TMC3: variants seen among roughly 807,000 people sequenced by gnomAD.
TMC3 encodes the protein transmembrane channel-like protein 3.
A neutral mutation model predicts 110.6 loss-of-function variants in TMC3; 98 were observed. The observed-to-expected ratio is 0.89, with a 90% CI of 0.75 to 1.05. The LOEUF is 1.05. TMC3 is among the 50% of genes least tolerant of loss of function. The probability of loss-of-function intolerance (pLI) is 0.00; values close to 1 mark genes in which losing one functional copy is unlikely to be tolerated. For missense variants in TMC3, 1,319 were observed against 1,373.2 expected (o/e 0.96, Z 0.62); for synonymous variants, 489 against 513.1 (o/e 0.95, Z 0.63).
chr15:81,362,851 G>C (rs956656901), intron 3 of TMC3, among the ~76,000 whole-genome samples: 2 of 152,080 alleles, frequency 1.3e-5, no homozygotes, highest in African/African-American at 2.4e-5. Flanking sequence ...CCTGTTTAAG[G>C]ACCAAGAGTC....
At chr15:81,344,072 C>T in intron 13 of TMC3, 27 bp from the exon 14 acceptor site, 1 of 1,593,840 alleles carries the variant, frequency 6.3e-7, no homozygotes, top group Non-Finnish European at 8.5e-7. Flanking sequence ...CCCTGGATGC[C>T]ACCATGCCCC....
rs557634217 is a variant in TMC3, at chr15:81,345,715, C to CA, written c.1272+649dup. ...TGAAACCCCATCTCTATAAAAAATA[C>CA]AAAAAAAAATAGCCAGATGCAGCGG... On this transcript the variant is annotated intron_variant, in intron 12 of 21. Transcript: ENST00000359440. 1.1e-3 allele frequency among the ~76,000 whole-genome samples: 166 copies of CA among 150,238 alleles called. 1 individual carries two copies. Among genetic ancestry groups the CA allele is most frequent in the South Asian group, 2.1e-3 (10 of 4,736 alleles).
Position 81,339,482 on chromosome 15 carries a change from T to C in TMC3, c.1867A>G (p.Met623Val), listed in dbSNP as rs1893667647. 1 of 1,605,354 alleles carries C rather than the reference T, an allele frequency of 6.2e-7. No individual in the cohort carries two copies. Among genetic ancestry groups the C allele is most frequent in the Non-Finnish European group, 8.5e-7 (1 of 1,175,700 alleles). Residue 623 changes from methionine (M) to valine (V), a missense_variant, in exon 17 of 22, where the codon ATG becomes GTG. Coordinates refer to ENST00000359440, the MANE Select transcript of TMC3 (RefSeq NM_001080532.3). Reference sequence around the variant, plus strand: ...CACAGAAACAGCATAAACAGGAGCATTGCCAAGTAGAAGTTGTTGGATCTG... The same window carrying C: ...CACAGAAACAGCATAAACAGGAGCACTGCCAAGTAGAAGTTGTTGGATCTG... ...ASRSNNFYLA[M>V]LLFMLFLCML...
intron 6 of TMC3, 46 bp downstream of exon 6, chr15:81,358,356 T>C (rs1316358095): frequency 6.2e-7 from 1 of 1,601,022 alleles, no homozygotes; most frequent in African/African-American, 1.3e-5. Flanking sequence ...TGTGGCCCAT[T>C]CACCCCTTCC....
intron 9 of TMC3, among the ~76,000 whole-genome samples, chr15:81,352,529 A>G (rs1450268976): frequency 6.6e-6 from 1 of 152,248 alleles, no homozygotes; most frequent in African/African-American, 2.4e-5. Flanking sequence ...AATGAATTAA[A>G]TGACTGTTAC....
rs777926164 is a variant in TMC3 at position 81,338,658 on chromosome 15, AGCAGGAGTACT to A, written c.2067_2077del (p.Val690PhefsTer33). The A allele has an allele frequency of 1.1e-5, 17 of 1,613,870 alleles. No individual in the cohort carries two copies. In the African/African-American group the frequency reaches 2.1e-4, roughly 20 times the overall value. On this transcript the variant is annotated frameshift_variant, in exon 18 of 22. Coordinates refer to ENST00000359440, the MANE Select transcript of TMC3 (RefSeq NM_001080532.3). LOFTEE classifies it high-confidence loss of function. Reference sequence around the variant, plus strand: ...AGCTGGCAGGTGTGGTACTCACAAAAGCAGGAGTACTGCGGGCAGGATGACCACGGGGCTAC... The same window carrying A: ...AGCTGGCAGGTGTGGTACTCACAAAAGCGGGCAGGATGACCACGGGGCTAC...
chr15:81,343,847 C>T, intron 14 of TMC3, 70 bp downstream of exon 14: 1 of 1,558,214 alleles, frequency 6.4e-7, no homozygotes, highest in Admixed American at 1.7e-5. Context: ...GGACTGTTTC[C>T]CAGCCACAAC....
chr15:81,334,225 C>G (rs1166359584), intron 21 of TMC3, among the ~76,000 whole-genome samples: 3 of 152,184 alleles, frequency 2.0e-5, no homozygotes, highest in East Asian at 1.9e-4. Context: ...GTGCTACATT[C>G]AGATCAAATA....
At chr15:81,353,239 T>A (rs1893989879) in intron 9 of TMC3, among the ~76,000 whole-genome samples, 1 of 142,160 alleles carries the variant, frequency 7.0e-6, no homozygotes, top group Non-Finnish European at 1.5e-5. Context: ...GATTGTGTTT[T>A]AAGTATTACA....
At chr15:81,338,969 G>A (rs767385246) in intron 17 of TMC3, among the ~76,000 whole-genome samples, 189 bp from the exon 18 acceptor site, 5 of 152,132 alleles carry the variant, frequency 3.3e-5, no homozygotes, top group Non-Finnish European at 7.4e-5. Context: ...TGTTCTAATC[G>A]TGTACACTAA....
chr15:81,357,219 A>G (rs572700201), intron 7 of TMC3, among the ~76,000 whole-genome samples: 24 of 152,186 alleles, frequency 1.6e-4, no homozygotes, highest in Non-Finnish European at 2.5e-4. Context: ...CCTGGAAGCC[A>G]CCAGGAGCTA....
chr15:81,351,705 C>T lies in TMC3; in HGVS notation c.1072G>A (p.Glu358Lys). 1 of 1,554,668 alleles carries T rather than the reference C, an allele frequency of 6.4e-7. No individual in the cohort carries two copies. Among genetic ancestry groups the T allele is most frequent in the Non-Finnish European group, 8.7e-7 (1 of 1,148,688 alleles). Residue 358 changes from glutamate (E) to lysine (K), a missense_variant, in exon 10 of 22, where the codon GAA (glutamate) becomes AAA (lysine). Transcript: ENST00000359440. Reference sequence around the variant, plus strand: ...ATGGCAGTGGGTACCTCATTCTTTTCCCAAAGTGTCAGCTCCTTCTTCGAC... The same window carrying T: ...ATGGCAGTGGGTACCTCATTCTTTTTCCAAAGTGTCAGCTCCTTCTTCGAC... ...EQSKKELTLWEKNEVSVVVSL... is the reference protein window; with the variant it reads ...EQSKKELTLWKKNEVSVVVSL...
intron 21 of TMC3, among the ~76,000 whole-genome samples, chr15:81,333,652 C>CT (rs1460709421): frequency 6.6e-6 from 1 of 152,176 alleles, no homozygotes; most frequent in African/African-American, 2.4e-5. Flanking sequence ...AAGCACTTCT[C>CT]TGAGTTTCCA....
intron 7 of TMC3, among the ~76,000 whole-genome samples, chr15:81,357,048 C>T (rs1255356965): frequency 1.3e-5 from 2 of 152,176 alleles, no homozygotes; most frequent in African/African-American, 2.4e-5. Context: ...TATTTGAAGG[C>T]AGGAGTCATC....
chr15:81,356,832 G>C (rs1359144488), intron 7 of TMC3, among the ~76,000 whole-genome samples: 1 of 152,220 alleles, frequency 6.6e-6, no homozygotes. Context: ...GAGTTCATTT[G>C]ACAAGGACTC....
intron 3 of TMC3, 28 bp downstream of exon 3, chr15:81,368,225 G>T (rs759090279): frequency 6.3e-7 from 1 of 1,585,400 alleles, no homozygotes; most frequent in Non-Finnish European, 8.7e-7. Flanking sequence ...GAGCCACCGC[G>T]CCCAGCCACA....
intron 14 of TMC3, 142 bp from the exon 15 acceptor site, chr15:81,343,487 T>G (rs1441606573): frequency 1.6e-6 from 1 of 635,348 alleles, no homozygotes; most frequent in Non-Finnish European, 2.8e-6. Flanking sequence ...CAGCAAATGG[T>G]AAATGTTAAG....
intron 10 of TMC3, among the ~76,000 whole-genome samples, chr15:81,350,563 C>A (rs8042818): frequency 2.8e-4 from 42 of 152,120 alleles, no homozygotes; most frequent in Non-Finnish European, 1.3e-4. Flanking sequence ...AAGCACACAG[C>A]AACTCAATTG....
intron 3 of TMC3, among the ~76,000 whole-genome samples, chr15:81,362,923 T>C (rs945534844): frequency 2.0e-5 from 3 of 152,178 alleles, no homozygotes; most frequent in Non-Finnish European, 4.4e-5. Flanking sequence ...CTACAGCCTC[T>C]TTCCTGGATA....
Sources: gnomAD v4.1 joint callset for allele counts (sites outside exome capture counted in the v4.1 genomes callset) on GRCh38, gnomAD v4.1.1 for gene constraint, MANE v1.5 for transcripts, NCBI Gene and HGNC (gene_info 2026-07-23, HGNC 2026-07-21) for gene names.